The following NOX4 variants were observed in gnomAD, a reference collection of about 807,000 sequenced individuals.
NOX4 encodes NADPH oxidase 4.
In NOX4, 69 loss-of-function variants were observed where a neutral mutation model predicts 87.6. That is an observed-to-expected ratio of 0.79 (90% CI 0.65 to 0.96). NOX4 has a LOEUF of 0.96. Among genes scored for constraint, NOX4 ranks in the 40% least tolerant of loss-of-function variants. The probability of loss-of-function intolerance (pLI) is 0.00; values close to 1 mark genes in which losing one functional copy is unlikely to be tolerated. For missense variants in NOX4, 680 were observed against 681.5 expected (o/e 1.00, Z 0.02); for synonymous variants, 275 against 238.2 (o/e 1.15, Z -1.42).
intron 6 of NOX4, among the ~76,000 whole-genome samples, chr11:89,434,414 C>T (rs1314548244): frequency 3.9e-5 from 6 of 152,020 alleles, no homozygotes; most frequent in Admixed American, 1.3e-4. Flanking sequence ...TTCTTCTTTA[C>T]GCTTCCTTCC....
intron 12 of NOX4, among the ~76,000 whole-genome samples, chr11:89,367,065 T>C (rs887411513): frequency 7.9e-5 from 12 of 152,162 alleles, no homozygotes; most frequent in African/African-American, 2.9e-4. Flanking sequence ...TTCACATTCA[T>C]TGAATGATTT....
intron 17 of NOX4, among the ~76,000 whole-genome samples, chr11:89,328,986 T>C (rs556712045): frequency 1.3e-5 from 2 of 152,030 alleles, no homozygotes; most frequent in African/African-American, 2.4e-5. Context: ...CCCAGAACTA[T>C]GAAAAAATAA....
At chr11:89,432,728 AC>A (rs1195666588) in intron 7 of NOX4, 55 bp downstream of exon 7, 1 of 1,278,036 alleles carries the variant, frequency 7.8e-7, no homozygotes. Context: ...ATTACTCAAG[AC>A]TTTTTCTAAA....
intron 15 of NOX4, among the ~76,000 whole-genome samples, chr11:89,339,495 T>A (rs910776571): frequency 6.6e-6 from 1 of 152,242 alleles, no homozygotes; most frequent in Non-Finnish European, 1.5e-5. Flanking sequence ...AGGATACATA[T>A]GTGTATCACT....
chr11:89,488,476 TAAATTTG>T (rs1364700373), intron 2 of NOX4, among the ~76,000 whole-genome samples: 1 of 152,176 alleles, frequency 6.6e-6, no homozygotes, highest in Non-Finnish European at 1.5e-5. Context: ...ACCACCAAAT[TAAATTTG>T]AAATTCAGTT....
the NOX4 span, among the ~76,000 whole-genome samples, chr11:89,535,134 A>G: frequency 6.6e-6 from 1 of 152,084 alleles, no homozygotes; most frequent in Non-Finnish European, 1.5e-5. Flanking sequence ...CATTACAAGG[A>G]AAAAAAGGAA....
upstream of NOX4, among the ~76,000 whole-genome samples, chr11:89,502,475 A>G (rs545282079): frequency 4.3e-4 from 65 of 152,202 alleles, no homozygotes; most frequent in South Asian, 8.1e-3. Context: ...AAATAAGACT[A>G]TGCTCTAGGA....
rs190768767 is a variant in NOX4 at position 89,384,878 on chromosome 11, A to G, written c.1075-11386T>C. 1.7e-4 allele frequency among the ~76,000 whole-genome samples: 26 copies of G among 152,178 alleles called. No individual in the cohort carries two copies. The East Asian group carries it at 4.7e-3, about 27-fold the overall frequency. On this transcript the variant is annotated intron_variant, in intron 11 of 17. Transcript: ENST00000263317. Reference sequence around the variant, plus strand: ...TACCACACCTGACCCCCATGACTGTATCTCTCTGATCCACCTGACATTCAC... The same window carrying G: ...TACCACACCTGACCCCCATGACTGTGTCTCTCTGATCCACCTGACATTCAC...
chr11:89,476,686 C>T (rs893241350), intron 2 of NOX4, among the ~76,000 whole-genome samples: 8 of 152,138 alleles, frequency 5.3e-5, no homozygotes, highest in South Asian at 4.1e-4. Context: ...CATGATGATG[C>T]TATTTGAAGC....
intron 2 of NOX4, among the ~76,000 whole-genome samples, chr11:89,471,671 T>C (rs960700378): frequency 9.9e-5 from 15 of 152,168 alleles, no homozygotes; most frequent in African/African-American, 3.1e-4. Flanking sequence ...GAATAAAAAA[T>C]GACATTTCAG....
the NOX4 span, among the ~76,000 whole-genome samples, chr11:89,549,370 T>C: frequency 6.6e-6 from 1 of 152,202 alleles, no homozygotes; most frequent in Non-Finnish European, 1.5e-5. Flanking sequence ...TCTCCTCCCT[T>C]GATTTTTGTG....
intron 17 of NOX4, among the ~76,000 whole-genome samples, chr11:89,327,618 T>C (rs1054281568): frequency 6.6e-6 from 1 of 152,190 alleles, no homozygotes; most frequent in Non-Finnish European, 1.5e-5. Flanking sequence ...TGATTTGTAT[T>C]TGATTCTTCC....
At chr11:89,511,786 G>C in the NOX4 span, among the ~76,000 whole-genome samples, 1 of 150,810 alleles carries the variant, frequency 6.6e-6, no homozygotes, top group Admixed American at 6.7e-5. Context: ...CCTGAACAAA[G>C]TAAAGTTTTC....
chr11:89,384,153 C>A (rs1325501780), intron 11 of NOX4, among the ~76,000 whole-genome samples: 3 of 152,126 alleles, frequency 2.0e-5, no homozygotes, highest in Non-Finnish European at 4.4e-5. Flanking sequence ...TGCCTATCCA[C>A]CCCATGGTGC....
intron 2 of NOX4, among the ~76,000 whole-genome samples, chr11:89,455,662 G>A (rs1384344671): frequency 2.7e-5 from 4 of 149,684 alleles, no homozygotes; most frequent in Non-Finnish European, 5.9e-5. Flanking sequence ...GCAGTATCAT[G>A]GAAAATATTA....
chr11:89,483,901 A>T (rs1946489015), intron 2 of NOX4, among the ~76,000 whole-genome samples: 1 of 152,156 alleles, frequency 6.6e-6, no homozygotes, highest in South Asian at 2.1e-4. Flanking sequence ...TTTATAAAAC[A>T]AGAATACAAG....
chr11:89,448,986 A>C (rs1944831223), intron 4 of NOX4, among the ~76,000 whole-genome samples: 1 of 152,196 alleles, frequency 6.6e-6, no homozygotes, highest in Non-Finnish European at 1.5e-5. Context: ...TTCTTACTGG[A>C]ATGAAATTAC....
the NOX4 span, among the ~76,000 whole-genome samples, chr11:89,550,570 GT>G: frequency 2.0e-4 from 31 of 152,038 alleles, no homozygotes; most frequent in African/African-American, 7.5e-4. Flanking sequence ...TTTTTCATAT[GT>G]TTCTTGGCCA....
intron 2 of NOX4, among the ~76,000 whole-genome samples, chr11:89,481,263 A>G (rs1048591117): frequency 2.6e-4 from 40 of 151,784 alleles, no homozygotes; most frequent in African/African-American, 3.1e-4. Context: ...TTATATATAT[A>G]TGTGTGTGTG....
Sources: allele counts gnomAD v4.1 joint callset (sites outside exome capture counted in the v4.1 genomes callset), GRCh38; gene constraint gnomAD v4.1.1; transcripts MANE v1.5; gene names NCBI Gene and HGNC (gene_info 2026-07-23, HGNC 2026-07-21).